Variants in GRID1 observed in about 807,000 individuals in gnomAD.
GRID1 encodes glutamate ionotropic receptor delta type subunit 1, also known as glutamate receptor ionotropic, delta-1.
GRID1 carries 28 observed loss-of-function variants against 98.0 expected under a neutral mutation model. The observed-to-expected ratio is 0.29, with a 90% CI of 0.21 to 0.39. The LOEUF (loss-of-function observed/expected upper bound fraction) is 0.39, where lower values mean the gene tolerates loss of function less well. GRID1 is among the 10% of genes least tolerant of loss of function. The pLI is 1.00. For missense variants in GRID1, 1,111 were observed against 1,340.5 expected, an observed-to-expected ratio of 0.83 and a Z score of 2.67; for synonymous variants, 553 against 538.5, an observed-to-expected ratio of 1.03 and a Z score of -0.37.
intron 4 of GRID1, among the ~76,000 whole-genome samples, chr10:86,134,702 CT>C (rs1844890080): frequency 6.6e-6 from 1 of 152,170 alleles, no homozygotes; most frequent in Admixed American, 6.5e-5. Flanking sequence ...TAGGGATCCC[CT>C]GACCCCTCTC....
intron 8 of GRID1, among the ~76,000 whole-genome samples, chr10:85,847,597 G>A (rs1482994016): frequency 6.6e-6 from 1 of 152,020 alleles, no homozygotes; most frequent in African/African-American, 2.4e-5. Flanking sequence ...AGTCAATAGG[G>A]AAATGAAGGT....
intron 3 of GRID1, among the ~76,000 whole-genome samples, chr10:86,190,391 T>A (rs1246264406): frequency 1.3e-5 from 2 of 152,196 alleles, no homozygotes; most frequent in African/African-American, 4.8e-5. Flanking sequence ...CTCCTCCCTT[T>A]GCTGCCCCTG....
intron 8 of GRID1, among the ~76,000 whole-genome samples, chr10:85,768,624 A>G (rs1012055451): frequency 2.0e-5 from 3 of 152,252 alleles, no homozygotes; most frequent in African/African-American, 7.2e-5. Flanking sequence ...TGCCTCTAAA[A>G]CATTTGAAAA....
intron 2 of GRID1, among the ~76,000 whole-genome samples, chr10:86,308,536 G>C (rs1026342760): frequency 2.0e-5 from 3 of 152,202 alleles, no homozygotes; most frequent in Non-Finnish European, 2.9e-5. Flanking sequence ...GGGTGGTATT[G>C]TTCAAAAGAG....
intron 13 of GRID1, among the ~76,000 whole-genome samples, chr10:85,639,848 G>T (rs760206514): frequency 1.3e-5 from 2 of 152,162 alleles, no homozygotes; most frequent in African/African-American, 4.8e-5. Context: ...TCCAGCCTGA[G>T]CAACAAGAGC....
rs145416837 is a variant in GRID1 at position 85,806,580 on chromosome 10, TAATATTCATATAATGAAATGCCACTCA to T, written c.1233+47889_1233+47915del. 5.3e-3 allele frequency among the ~76,000 whole-genome samples: 800 copies of T among 152,240 alleles called. 5 individuals carry two copies. Among genetic ancestry groups the T allele is most frequent in the African/African-American group, 0.018 (753 of 41,550 alleles). On this transcript the variant is annotated intron_variant, in intron 8 of 15. Transcript: ENST00000327946. The stretch of plus-strand genomic sequence containing the variant: ...AAAACAAATTTTCATAAAATTGTGA[TAATATTCATATAATGAAATGCCACTCA>T]AATAAAAAGGAACAATTCAATAAAA...
chr10:85,678,639 T>C lies in GRID1; in HGVS notation c.1998-31242A>G, dbSNP rs1240413360. Among the ~76,000 whole-genome samples the C allele has an allele frequency of 2.0e-5, 3 of 152,156 alleles. No individual in the cohort carries two copies. In the East Asian group the frequency reaches 5.8e-4, roughly 29 times the overall value. On this transcript the variant is annotated intron_variant, in intron 12 of 15. Coordinates refer to ENST00000327946, the MANE Select transcript of GRID1 (RefSeq NM_017551.3). The stretch of plus-strand genomic sequence containing the variant: ...TAGTCTCCTTAGAGACTTTGCCCCA[T>C]ACATCAGCCCTTCTTTACCTTGCCT...
intron 12 of GRID1, among the ~76,000 whole-genome samples, chr10:85,719,227 T>C (rs2132645892): frequency 6.6e-6 from 1 of 152,340 alleles, no homozygotes; most frequent in South Asian, 2.1e-4. Context: ...ATTCAACAAG[T>C]CTCTAGGAGG....
At chr10:85,788,741 A>G (rs954509114) in intron 8 of GRID1, among the ~76,000 whole-genome samples, 2 of 152,240 alleles carry the variant, frequency 1.3e-5, no homozygotes, top group African/African-American at 4.8e-5. Flanking sequence ...ACAGGCACAT[A>G]TGGAGTGTCT....
intron 8 of GRID1, among the ~76,000 whole-genome samples, chr10:85,812,122 A>AATAAAGTCTTTCC (rs1427413575): frequency 2.0e-5 from 3 of 152,178 alleles, no homozygotes; most frequent in African/African-American, 7.2e-5. Context: ...AGGAGGGAGA[A>AATAAAGTCTTTCC]ATAAAGTCTT....
chr10:86,166,114 CTT>C (rs72126955), intron 3 of GRID1, among the ~76,000 whole-genome samples: 30 of 151,844 alleles, frequency 2.0e-4, no homozygotes, highest in African/African-American at 7.2e-4. Context: ...CTGTCACTAT[CTT>C]TTTTTTTATT....
At position 85,786,715 on chromosome 10, in the gene GRID1, G is replaced by C. The variant is rs151130194; in HGVS notation, c.1234-57101C>G. 2.0e-3 allele frequency among the ~76,000 whole-genome samples: 308 copies of C among 152,324 alleles called. 3 individuals are homozygous for C. Among genetic ancestry groups the C allele is most frequent in the African/African-American group, 7.1e-3 (297 of 41,578 alleles). The stretch of plus-strand genomic sequence containing the variant: ...ATTGTTATAGATTACAGTAATTACA[G>C]ATGGGAAAGGGCCGATTAGATTAGC... On this transcript the variant is annotated intron_variant, in intron 8 of 15. Transcript: ENST00000327946.
At chr10:86,258,558 T>G (rs1295451541) in intron 2 of GRID1, among the ~76,000 whole-genome samples, 4 of 152,166 alleles carry the variant, frequency 2.6e-5, no homozygotes, top group Non-Finnish European at 4.4e-5. Context: ...AGACCCAGGC[T>G]TGAGGGAGAA....
chr10:85,833,416 AG>A (rs1449670621), intron 8 of GRID1, among the ~76,000 whole-genome samples: 1 of 152,174 alleles, frequency 6.6e-6, no homozygotes, highest in Non-Finnish European at 1.5e-5. Context: ...AGACCAAAAT[AG>A]TACCACAAAA....
At chr10:86,072,622 T>C (rs575071971) in intron 4 of GRID1, among the ~76,000 whole-genome samples, 1 of 152,300 alleles carries the variant, frequency 6.6e-6, no homozygotes, top group South Asian at 2.1e-4. Flanking sequence ...GAGAAAATAA[T>C]TACCCTCAAA....
intron 8 of GRID1, among the ~76,000 whole-genome samples, chr10:85,778,000 T>C (rs1471855246): frequency 6.6e-6 from 1 of 152,204 alleles, no homozygotes; most frequent in Non-Finnish European, 1.5e-5. Context: ...TTAACAATTC[T>C]TGGGCATCTT....
chr10:85,628,108 A>G (rs1170111995), intron 13 of GRID1, among the ~76,000 whole-genome samples: 1 of 151,912 alleles, frequency 6.6e-6, no homozygotes, highest in African/African-American at 2.4e-5. Context: ...GATGCACGTG[A>G]GAATGTATGG....
intron 12 of GRID1, among the ~76,000 whole-genome samples, chr10:85,718,007 C>T (rs932710430): frequency 4.6e-5 from 7 of 152,208 alleles, no homozygotes; most frequent in African/African-American, 1.4e-4. Context: ...TGGTCTTGGG[C>T]AACTCCGCCC....
chr10:85,649,902 T>C (rs1843244144), intron 12 of GRID1: 1 of 152,412 alleles, frequency 6.6e-6, no homozygotes, highest in Admixed American at 6.5e-5. Flanking sequence ...CTTTCATCCA[T>C]CCATCACCTC....
Sources: gnomAD v4.1 joint callset for allele counts (sites outside exome capture counted in the v4.1 genomes callset) on GRCh38, gnomAD v4.1.1 for gene constraint, MANE v1.5 for transcripts, NCBI Gene and HGNC (gene_info 2026-07-23, HGNC 2026-07-21) for gene names.